ALDOB: variants seen among roughly 807,000 people sequenced by gnomAD.
The protein encoded by ALDOB is aldolase, fructose-bisphosphate B.
Under a neutral mutation model 41.0 loss-of-function variants are expected in ALDOB, and 39 were observed. That is an observed-to-expected ratio of 0.95 (90% CI 0.74 to 1.24). The LOEUF (loss-of-function observed/expected upper bound fraction) is 1.24. Among genes scored for constraint, ALDOB ranks in the 50% most tolerant of loss-of-function variants. The probability of loss-of-function intolerance (pLI) is 0.00; values close to 1 mark genes in which losing one functional copy is unlikely to be tolerated. For synonymous variants in ALDOB, 175 were observed against 168.8 expected (o/e 1.04, Z -0.28); for missense variants, 530 against 457.3 (o/e 1.16, Z -1.45).
At chr9:101,434,091 C>A (rs573181602) in intron 1 of ALDOB, among the ~76,000 whole-genome samples, 1 of 152,270 alleles carries the variant, frequency 6.6e-6, no homozygotes, top group South Asian at 2.1e-4. Flanking sequence ...TTTATACATT[C>A]TTTATCACGC....
At chr9:101,434,674 C>T (rs1831266809) in intron 1 of ALDOB, among the ~76,000 whole-genome samples, 1 of 152,236 alleles carries the variant, frequency 6.6e-6, no homozygotes, top group African/African-American at 2.4e-5. Context: ...AGTCCTAGGA[C>T]AGCCTGATTT....
intron 2 of ALDOB, 110 bp downstream of exon 2, chr9:101,430,666 C>T: frequency 1.2e-6 from 1 of 839,598 alleles, no homozygotes; most frequent in South Asian, 1.4e-5. Flanking sequence ...GCTCCCACTC[C>T]CGTGTACATA....
intron 7 of ALDOB, 103 bp from the exon 8 acceptor site, chr9:101,425,145 C>T (rs1831106249): frequency 2.2e-6 from 3 of 1,365,666 alleles, no homozygotes; most frequent in Non-Finnish European, 3.1e-6. Flanking sequence ...TCAGTCTTTT[C>T]TCTGCTTAAT....
At chr9:101,425,427 G>C (rs1174427254) in intron 7 of ALDOB, 26 bp downstream of exon 7, 1 of 1,612,954 alleles carries the variant, frequency 6.2e-7, no homozygotes, top group Admixed American at 1.7e-5. Flanking sequence ...CTAAGACCTT[G>C]AGTTAGAGAA....
chr9:101,433,806 GTT>G (rs1251662441), intron 1 of ALDOB, among the ~76,000 whole-genome samples: 1 of 151,786 alleles, frequency 6.6e-6, no homozygotes, highest in Non-Finnish European at 1.5e-5. Flanking sequence ...GTCTTGCTCT[GTT>G]GCCTAGCCTG....
chr9:101,425,513 C>T lies in ALDOB; in HGVS notation c.739G>A (p.Glu247Lys), dbSNP rs866549991. 6.2e-7 allele frequency: 1 copy of T among 1,614,120 alleles called. No homozygotes were observed. The highest frequency in any genetic ancestry group is 8.5e-7 in the Non-Finnish European group (1 of 1,180,022). Residue 247 changes from glutamate to lysine, a missense_variant, in exon 7 of 9, where the codon GAA (glutamate) becomes AAA (lysine). Glu to Lys is a moderately conservative substitution (Grantham distance 56). Coordinates refer to ENST00000647789, the MANE Select transcript of ALDOB (RefSeq NM_000035.4). Reference sequence around the variant, plus strand: ...GTTACGGTGGCCATAGCTACTTGTTCTGGAGTATACTTCTTGGTGCAGGCA... The same window carrying T: ...GTTACGGTGGCCATAGCTACTTGTTTTGGAGTATACTTCTTGGTGCAGGCA... ...GHACTKKYTPEQVAMATVTAL... is the reference protein window; with the variant it reads ...GHACTKKYTPKQVAMATVTAL...
intron 8 of ALDOB, among the ~76,000 whole-genome samples, chr9:101,424,426 A>C (rs1019485429): frequency 6.6e-6 from 1 of 152,246 alleles, no homozygotes. Flanking sequence ...CTCAAAACAA[A>C]CAAACAAACA....
At chr9:101,429,727 G>T in intron 3 of ALDOB, 28 bp downstream of exon 3, 1 of 1,607,458 alleles carries the variant, frequency 6.2e-7, no homozygotes, top group Non-Finnish European at 8.5e-7. Flanking sequence ...GGACAAAGCA[G>T]AAGTGAGGTG....
In ALDOB at chr9:101,430,970, G is replaced by C. The variant is rs1204901604; in HGVS notation, c.-10-73C>G. 3 of 1,033,698 alleles carry C rather than the reference G, an allele frequency of 2.9e-6. No homozygotes were observed. The Admixed American group carries it at 5.4e-5, about 19-fold the overall frequency. The allele number at this position is 1,033,698 out of a possible 1,614,324, so 64.0% of individuals were successfully genotyped here. On this transcript the variant is annotated intron_variant, in intron 1 of 8. Transcript: ENST00000647789. Reference sequence around the variant, plus strand: ...GATGGATGCATGACCAAGACAGTTGGGGGTGCAGACATGCTGTGCAGACCT... The same window carrying C: ...GATGGATGCATGACCAAGACAGTTGCGGGTGCAGACATGCTGTGCAGACCT...
intron 1 of ALDOB, among the ~76,000 whole-genome samples, chr9:101,431,977 T>A (rs1831226646): frequency 6.6e-6 from 1 of 152,176 alleles, no homozygotes; most frequent in African/African-American, 2.4e-5. Flanking sequence ...GCAGGTATTA[T>A]CTTCATTAAT....
intron 1 of ALDOB, among the ~76,000 whole-genome samples, chr9:101,434,947 T>A (rs1831270589): frequency 6.6e-6 from 1 of 152,180 alleles, no homozygotes; most frequent in African/African-American, 2.4e-5. Context: ...AAAGAGAAGT[T>A]ATTTTTTAAA....
chr9:101,421,333 G>T lies in ALDOB; in HGVS notation c.*476C>A. ...AGTCAAAAGTAATGAAATACACTGA[G>T]TCTTTGGACAGCAAGAGCAGAAAAG... is the stretch of plus-strand genomic sequence containing the variant. On this transcript the variant is annotated 3_prime_UTR_variant, in exon 9 of 9. Coordinates refer to ENST00000647789, the MANE Select transcript of ALDOB (RefSeq NM_000035.4). 3.7e-6 allele frequency: 1 copy of T among 269,604 alleles called. No homozygotes were observed. Among genetic ancestry groups the T allele is most frequent in the Non-Finnish European group, 7.3e-6 (1 of 137,156 alleles). The allele number at this position is 269,604 out of a possible 1,614,324, so 16.7% of individuals were successfully genotyped here. A position where few individuals can be genotyped will look rare whatever the true frequency, so the allele number is the denominator to read the frequency against.
At chr9:101,433,026 C>A (rs975204115) in intron 1 of ALDOB, among the ~76,000 whole-genome samples, 7 of 152,324 alleles carry the variant, frequency 4.6e-5, no homozygotes, top group African/African-American at 1.7e-4. Flanking sequence ...AGTCAGGCAG[C>A]TTCCTGAGTC....
intron 8 of ALDOB, among the ~76,000 whole-genome samples, chr9:101,422,526 A>G (rs1223700728): frequency 6.6e-6 from 1 of 152,230 alleles, no homozygotes; most frequent in Non-Finnish European, 1.5e-5. Flanking sequence ...TGTTAAAAAT[A>G]GAAATTCCCT....
intron 1 of ALDOB, among the ~76,000 whole-genome samples, chr9:101,434,817 G>T (rs1831269390): frequency 6.6e-6 from 1 of 152,160 alleles, no homozygotes; most frequent in South Asian, 2.1e-4. Flanking sequence ...AGTATCTCTG[G>T]CTCTAACCTG....
At chr9:101,427,771 C>G in intron 4 of ALDOB, 129 bp from the exon 5 acceptor site, 1 of 1,088,684 alleles carries the variant, frequency 9.2e-7, no homozygotes, top group Admixed American at 1.9e-5. Context: ...TGAAAACAGC[C>G]AAGCATATCA....
Position 101,428,455 on chromosome 9 carries a change from G to C in ALDOB, c.379+14C>G. Reference sequence around the variant, plus strand: ...TACACTGGCATGATTCATCTCAGTGGGCAATATCCTTACCTTGAATGGTGG... The same window carrying C: ...TACACTGGCATGATTCATCTCAGTGCGCAATATCCTTACCTTGAATGGTGG... On this transcript the variant is annotated intron_variant, in intron 4 of 8. Transcript: ENST00000647789. The C allele has an allele frequency of 6.2e-7, 1 of 1,611,660 alleles. No individual in the cohort carries two copies. The highest frequency in any genetic ancestry group is 2.2e-5 in the East Asian group (1 of 44,854).
At chr9:101,430,708 A>G in intron 2 of ALDOB, 68 bp downstream of exon 2, 1 of 1,165,350 alleles carries the variant, frequency 8.6e-7, no homozygotes, top group East Asian at 2.4e-5. Context: ...TATGATTATC[A>G]AGTTGTTTTT....
Position 101,424,898 on chromosome 9 carries a change from C to T in ALDOB, c.944G>A (p.Gly315Asp). Residue 315 changes from glycine (G) to aspartate (D), a missense_variant, in exon 8 of 9, where the codon GGT (glycine) becomes GAT (aspartate). Transcript: ENST00000647789. Reference protein sequence around the residue: ...ALQASALAAWGGKAANKEATQ... With the variant: ...ALQASALAAWDGKAANKEATQ... ...TGCCTCCTTGTTTGCAGCCTTGCCACCCCAGGCAGCCAGTGCACTGGCCTG... is the reference window on the plus strand; with the variant it reads ...TGCCTCCTTGTTTGCAGCCTTGCCATCCCAGGCAGCCAGTGCACTGGCCTG... 1 of 1,614,074 alleles carries T rather than the reference C, an allele frequency of 6.2e-7. No homozygotes were observed. Among genetic ancestry groups the T allele is most frequent in the Non-Finnish European group, 8.5e-7 (1 of 1,180,036 alleles).
Sources: allele counts gnomAD v4.1 joint callset (sites outside exome capture counted in the v4.1 genomes callset), GRCh38; gene constraint gnomAD v4.1.1; transcripts MANE v1.5; gene names NCBI Gene and HGNC (gene_info 2026-07-23, HGNC 2026-07-21).